The following PLCB1 variants were observed in gnomAD, a reference collection of about 807,000 sequenced individuals.
PLCB1 encodes the protein 1-phosphatidylinositol 4,5-bisphosphate phosphodiesterase beta-1.
A neutral mutation model predicts 161.8 loss-of-function variants in PLCB1; 46 were observed. That is an observed-to-expected ratio of 0.28 (90% CI 0.22 to 0.36). The LOEUF is 0.36. Ranked by LOEUF, PLCB1 falls within the 10% of genes least tolerant of loss-of-function variation. PLCB1 has a pLI of 1.00. For synonymous variants in PLCB1, 517 were observed against 503.7 expected (o/e 1.03, Z -0.35); for missense variants, 1,016 against 1,472.5 (o/e 0.69, Z 5.07).
At chr20:8,852,875 G>A (rs1986937329) in intron 31 of PLCB1, among the ~76,000 whole-genome samples, 1 of 152,198 alleles carries the variant, frequency 6.6e-6, no homozygotes, top group Admixed American at 6.5e-5. Flanking sequence ...CTGGCTCCAG[G>A]TGTCATGAAG....
chr20:8,639,960 A>G (rs1988890605), intron 4 of PLCB1, among the ~76,000 whole-genome samples: 1 of 152,200 alleles, frequency 6.6e-6, no homozygotes, highest in African/African-American at 2.4e-5. Flanking sequence ...AGAATGGTCA[A>G]AGATGGAACA....
At chr20:8,632,054 TTTTTTTTTTTTTTG>T (rs1988614676) in intron 4 of PLCB1, among the ~76,000 whole-genome samples, 1 of 143,042 alleles carries the variant, frequency 7.0e-6, no homozygotes, top group African/African-American at 2.6e-5. Flanking sequence ...TTTTTTTTTT[TTTTTTTTTTTTTTG>T]CCTGCTGAAA....
chr20:8,661,859 A>G (rs900809597), intron 9 of PLCB1, among the ~76,000 whole-genome samples: 6 of 144,424 alleles, frequency 4.2e-5, no homozygotes, highest in Non-Finnish European at 8.9e-5. Context: ...ATAAATCTTC[A>G]GTGAAAGGCA....
intron 3 of PLCB1, among the ~76,000 whole-genome samples, chr20:8,435,769 G>A (rs1032233958): frequency 2.6e-5 from 4 of 152,112 alleles, no homozygotes; most frequent in Admixed American, 2.6e-4. Context: ...AGGAGAGTGG[G>A]TTTAGACGTT....
At chr20:8,691,090 C>T (rs1355680321) in intron 10 of PLCB1, among the ~76,000 whole-genome samples, 1 of 152,146 alleles carries the variant, frequency 6.6e-6, no homozygotes, top group African/African-American at 2.4e-5. Flanking sequence ...TGTTTTGACT[C>T]ATGGGTCAAA....
chr20:8,508,756 T>C lies in PLCB1; in HGVS notation c.247-119538T>C, dbSNP rs149596065. Reference sequence around the variant, plus strand: ...ATTATTTAAAAATAAGTAATAAAAATGTGCAAATTTAAAACATGTATATGC... The same window carrying C: ...ATTATTTAAAAATAAGTAATAAAAACGTGCAAATTTAAAACATGTATATGC... On this transcript the variant is annotated intron_variant, in intron 3 of 31. Transcript: ENST00000338037. 3.9e-5 allele frequency among the ~76,000 whole-genome samples: 6 copies of C among 152,214 alleles called. 1 individual carries two copies. Among genetic ancestry groups the C allele is most frequent in the Non-Finnish European group, 7.4e-5 (5 of 68,006 alleles).
intron 2 of PLCB1, among the ~76,000 whole-genome samples, chr20:8,328,162 A>C (rs997399160): frequency 1.5e-4 from 23 of 152,110 alleles, no homozygotes; most frequent in Non-Finnish European, 2.9e-4. Flanking sequence ...TCATATTGGC[A>C]CTCAAAAAGT....
chr20:8,169,684 A>T (rs111358877), intron 2 of PLCB1, among the ~76,000 whole-genome samples: 1 of 152,144 alleles, frequency 6.6e-6, no homozygotes, highest in East Asian at 1.9e-4. Context: ...TTGGACAACT[A>T]TCTAAGAGTT....
chr20:8,734,741 A>G (rs895950757), intron 19 of PLCB1, among the ~76,000 whole-genome samples: 1 of 152,116 alleles, frequency 6.6e-6, no homozygotes, highest in Non-Finnish European at 1.5e-5. Flanking sequence ...TCATCGTTAA[A>G]GCTTTTCAAA....
intron 31 of PLCB1, among the ~76,000 whole-genome samples, chr20:8,834,195 C>T (rs1986163059): frequency 6.6e-6 from 1 of 151,914 alleles, no homozygotes; most frequent in South Asian, 2.1e-4. Context: ...TTTTCATAGG[C>T]AAGCAATACA....
chr20:8,235,819 C>T (rs930814134), intron 2 of PLCB1, among the ~76,000 whole-genome samples: 1 of 151,854 alleles, frequency 6.6e-6, no homozygotes, highest in Non-Finnish European at 1.5e-5. Flanking sequence ...GTCCAGTAAT[C>T]AAAAGTTAGT....
At chr20:8,428,178 GAAA>G (rs545002701) in intron 3 of PLCB1, among the ~76,000 whole-genome samples, 198 of 151,386 alleles carry the variant, frequency 1.3e-3, no homozygotes, top group African/African-American at 4.7e-3. Flanking sequence ...AATAAAAAAA[GAAA>G]AGAAAAAATC....
At chr20:8,821,996 G>T (rs1476024664) in intron 31 of PLCB1, among the ~76,000 whole-genome samples, 1 of 151,806 alleles carries the variant, frequency 6.6e-6, no homozygotes, top group Non-Finnish European at 1.5e-5. Flanking sequence ...TTTGCAGAGA[G>T]ACTTTCTCAA....
intron 31 of PLCB1, among the ~76,000 whole-genome samples, chr20:8,877,892 C>T (rs1224310459): frequency 6.6e-6 from 1 of 152,134 alleles, no homozygotes; most frequent in Non-Finnish European, 1.5e-5. Flanking sequence ...ATAAAATCTA[C>T]TACTATCCCA....
At chr20:8,545,859 G>C (rs1296186310) in intron 3 of PLCB1, among the ~76,000 whole-genome samples, 3 of 152,138 alleles carry the variant, frequency 2.0e-5, no homozygotes, top group East Asian at 3.8e-4. Context: ...ATCAAAACAG[G>C]CTTGTGAGAA....
At chr20:8,360,466 A>G (rs181529753) in intron 2 of PLCB1, among the ~76,000 whole-genome samples, 62 of 152,314 alleles carry the variant, frequency 4.1e-4, no homozygotes, top group Admixed American at 7.8e-4. Context: ...TCTTAATATG[A>G]ACAGCTAGCT....
intron 2 of PLCB1, among the ~76,000 whole-genome samples, chr20:8,346,883 G>A (rs113142930): frequency 1.3e-5 from 2 of 152,270 alleles, no homozygotes; most frequent in African/African-American, 4.8e-5. Context: ...AAATAAACAG[G>A]AATCATCTGA....
intron 1 of PLCB1, among the ~76,000 whole-genome samples, chr20:8,149,251 G>C (rs2051484910): frequency 6.6e-6 from 1 of 152,104 alleles, no homozygotes; most frequent in South Asian, 2.1e-4. Flanking sequence ...TTCTGAGTTA[G>C]GTATTATGAT....
chr20:8,518,511 C>T (rs2122874622), intron 3 of PLCB1, among the ~76,000 whole-genome samples: 1 of 149,348 alleles, frequency 6.7e-6, no homozygotes, highest in African/African-American at 2.5e-5. Flanking sequence ...AATGTACTCA[C>T]AGTTTATGTT....
Sources: allele counts gnomAD v4.1 joint callset (sites outside exome capture counted in the v4.1 genomes callset), GRCh38; gene constraint gnomAD v4.1.1; transcripts MANE v1.5; gene names NCBI Gene and HGNC (gene_info 2026-07-23, HGNC 2026-07-21).